The following NEURL1B variants were observed in gnomAD, a reference collection of about 807,000 sequenced individuals.
NEURL1B encodes the protein E3 ubiquitin-protein ligase NEURL1B.
In NEURL1B, 13 loss-of-function variants were observed where a neutral mutation model predicts 37.4. The observed-to-expected ratio is 0.35, with a 90% CI of 0.23 to 0.55. The LOEUF (loss-of-function observed/expected upper bound fraction) is 0.55, where lower values mean the gene tolerates loss of function less well. Among genes scored for constraint, NEURL1B ranks in the 20% least tolerant of loss-of-function variants. The pLI, the probability that NEURL1B is intolerant of heterozygous loss-of-function variation, is 0.89. For missense variants in NEURL1B, 790 were observed against 879.2 expected, an observed-to-expected ratio of 0.90 and a Z score of 1.28; for synonymous variants, 432 against 426.6, an observed-to-expected ratio of 1.01 and a Z score of -0.16.
chr5:172,670,167 G>A lies in NEURL1B; in HGVS notation c.414G>A (p.Ala138=), dbSNP rs1412043042. 1.2e-5 allele frequency: 18 copies of A among 1,495,018 alleles called. No individual in the cohort carries two copies. In the Admixed American group the frequency reaches 3.2e-4, roughly 27 times the overall value. 92.6% of individuals were successfully genotyped at this position (1,495,018 alleles called of 1,614,324 possible). A position where few individuals can be genotyped will look rare whatever the true frequency, so the allele number is the denominator to read the frequency against. The change falls in exon 2 of 5, where the codon GCG becomes GCA. Residue 138 remains alanine, a synonymous_variant. Coordinates refer to ENST00000369800, the MANE Select transcript of NEURL1B (RefSeq NM_001142651.3). ...CCAAGGCACTGCCCGAGAACCTGGC[G>A]CTGCGCGACACGGTGCTGGCCTACT... The part of the protein sequence containing the change: ...YWAKALPENL[A]LRDTVLAYWA...
intron 1 of NEURL1B, among the ~76,000 whole-genome samples, chr5:172,664,491 G>A (rs1372164559): frequency 1.3e-5 from 2 of 152,124 alleles, no homozygotes; most frequent in South Asian, 2.1e-4. Flanking sequence ...CAGCGGGTGG[G>A]GGGGACGGGT....
chr5:172,670,131 G>A lies in NEURL1B; in HGVS notation c.378G>A (p.Pro126=). 6.6e-7 allele frequency: 1 copy of A among 1,513,410 alleles called. No individual in the cohort carries two copies. The highest frequency in any genetic ancestry group is 8.8e-7 in the Non-Finnish European group (1 of 1,137,396). The allele number at this position is 1,513,410 out of a possible 1,614,324, so 93.7% of individuals were successfully genotyped here. A position where few individuals can be genotyped will look rare whatever the true frequency, so the allele number is the denominator to read the frequency against. Residue 126 remains proline (P), a synonymous_variant, in exon 2 of 5, where the codon CCG becomes CCA. Transcript: ENST00000369800. The part of the protein sequence containing the change: ...KYACPDLVTR[P]GYWAKALPEN... ...CCTGCCCGGACCTGGTCACGCGGCC[G>A]GGCTACTGGGCCAAGGCACTGCCCG...
intron 1 of NEURL1B, among the ~76,000 whole-genome samples, chr5:172,666,760 A>G (rs1344897375): frequency 6.6e-6 from 1 of 152,074 alleles, no homozygotes; most frequent in East Asian, 1.9e-4. Context: ...GTGCTCAGCC[A>G]CCCCTCGTGG....
intron 2 of NEURL1B, among the ~76,000 whole-genome samples, chr5:172,674,552 A>AT (rs1034922295): frequency 5.3e-5 from 8 of 152,038 alleles, no homozygotes; most frequent in Non-Finnish European, 1.2e-4. Flanking sequence ...AGCTTTGACA[A>AT]TCCCACTTCC....
rs941503722 is a variant in NEURL1B at position 172,683,364 on chromosome 5, G to C, written c.578-55G>C. ...AGGCAGCGGGCGAGGAGGGGCTCGC[G>C]ACCAGCCTGACGCGCGGCCTCTCCC... is the stretch of plus-strand genomic sequence containing the variant. On this transcript the variant is annotated intron_variant, in intron 2 of 4. Transcript: ENST00000369800. This position sits in a 1 kb window ranked among gnomAD's most constrained non-coding sequence, Gnocchi z 5.6. The C allele has an allele frequency of 4.0e-5, 51 of 1,268,090 alleles. No individual in the cohort carries two copies. Among genetic ancestry groups the C allele is most frequent in the Middle Eastern group, 2.9e-4 (1 of 3,392 alleles). 78.6% of individuals were successfully genotyped at this position (1,268,090 alleles called of 1,614,324 possible).
intron 1 of NEURL1B, among the ~76,000 whole-genome samples, chr5:172,666,284 T>C (rs1758013355): frequency 6.6e-6 from 1 of 152,144 alleles, no homozygotes; most frequent in South Asian, 2.1e-4. Context: ...CTGTGTGACT[T>C]TGGGCAAGTG....
At chr5:172,645,670 C>A (rs962254286) in intron 1 of NEURL1B, among the ~76,000 whole-genome samples, 9 of 152,332 alleles carry the variant, frequency 5.9e-5, no homozygotes, top group Middle Eastern at 6.8e-3. Flanking sequence ...CTTGTCTTGT[C>A]CCATCTTCCT....
rs564878825 is a variant in NEURL1B at position 172,676,417 on chromosome 5, A to C, written c.577+6087A>C. Among the ~76,000 whole-genome samples the C allele has an allele frequency of 2.0e-5, 3 of 152,348 alleles. No homozygotes were observed. The East Asian group carries it at 5.8e-4, about 29-fold the overall frequency. ...CCAACAGAAGAGCTGCTTTCCTAGA[A>C]GTCTGCCTGTCATCTCTAGATGTAG... is the stretch of plus-strand genomic sequence containing the variant. On this transcript the variant is annotated intron_variant, in intron 2 of 4. Coordinates refer to ENST00000369800, the MANE Select transcript of NEURL1B (RefSeq NM_001142651.3). This position sits in a 1 kb window ranked among gnomAD's most constrained non-coding sequence, Gnocchi z 4.5.
chr5:172,656,399 C>A, intron 1 of NEURL1B: 1 of 698,220 alleles, frequency 1.4e-6, no homozygotes, highest in Non-Finnish European at 2.3e-6. Context: ...AAATGTACAA[C>A]AGCTCCAAGA....
Position 172,665,115 on chromosome 5 carries a change from G to A in NEURL1B, c.32-4670G>A, listed in dbSNP as rs563300801. Among the ~76,000 whole-genome samples, 4 of 152,360 alleles carry A rather than the reference G, an allele frequency of 2.6e-5. No individual in the cohort carries two copies. The East Asian group carries it at 7.7e-4, about 29-fold the overall frequency. ...ATGAGGTCGGAAAACAACAGTGATGGGGAGGGGAGATAAAAATAATCAAAT... is the reference window on the plus strand; with the variant it reads ...ATGAGGTCGGAAAACAACAGTGATGAGGAGGGGAGATAAAAATAATCAAAT... On this transcript the variant is annotated intron_variant, in intron 1 of 4. Coordinates refer to ENST00000369800, the MANE Select transcript of NEURL1B (RefSeq NM_001142651.3). The surrounding 1 kb of genome is among the most constrained non-coding windows in gnomAD (Gnocchi z 4.1).
chr5:172,658,521 C>T (rs1348485720), intron 1 of NEURL1B, among the ~76,000 whole-genome samples: 3 of 152,160 alleles, frequency 2.0e-5, no homozygotes, highest in South Asian at 2.1e-4. Flanking sequence ...GCCTCAGAGC[C>T]GAGTGTGGCT....
intron 1 of NEURL1B, among the ~76,000 whole-genome samples, chr5:172,667,667 G>A (rs996370807): frequency 1.3e-5 from 2 of 151,930 alleles, no homozygotes; most frequent in Non-Finnish European, 2.9e-5. Flanking sequence ...CATGATCTCT[G>A]CCCTGGAATA....
Position 172,661,281 on chromosome 5 carries a change from A to G in NEURL1B, c.32-8504A>G, listed in dbSNP as rs1470787967. Among the ~76,000 whole-genome samples the G allele has an allele frequency of 1.3e-5, 2 of 152,138 alleles. No individual in the cohort carries two copies. The highest frequency in any genetic ancestry group is 3.8e-4 in the East Asian group (2 of 5,200). ...ATCAGATTGTGCATGGAGTCTGGGT[A>G]TGTTTCTGGGGGGAAACCCTGAAGT... On this transcript the variant is annotated intron_variant, in intron 1 of 4. Transcript: ENST00000369800. This position sits in a 1 kb window ranked among gnomAD's most constrained non-coding sequence, Gnocchi z 4.0.
At chr5:172,646,202 AT>A (rs540772755) in intron 1 of NEURL1B, among the ~76,000 whole-genome samples, 51 of 152,196 alleles carry the variant, frequency 3.4e-4, no homozygotes, top group African/African-American at 1.2e-3. Context: ...CTGGGTTCAA[AT>A]TTCAGCTCGG....
intron 1 of NEURL1B, among the ~76,000 whole-genome samples, chr5:172,652,975 C>T (rs1224700919): frequency 6.6e-6 from 1 of 151,988 alleles, no homozygotes; most frequent in East Asian, 1.9e-4. Flanking sequence ...ATCCCTTTTT[C>T]ACTGTACAAA....
chr5:172,671,431 C>T (rs982702419), intron 2 of NEURL1B, among the ~76,000 whole-genome samples: 9 of 152,222 alleles, frequency 5.9e-5, no homozygotes, highest in Admixed American at 3.9e-4. Flanking sequence ...TGCACCTGTC[C>T]GTAACCCCAG....
rs1468036221 is a variant in NEURL1B at position 172,688,042 on chromosome 5, A to C, written c.*1117A>C. ...AAGTATGTTAACTAATGATCGAGAC[A>C]GTAACGAAAAATGCTGGCACTGGGA... On this transcript the variant is annotated 3_prime_UTR_variant, in exon 5 of 5. Transcript: ENST00000369800. This position sits in a 1 kb window ranked among gnomAD's most constrained non-coding sequence, Gnocchi z 4.3. 2.0e-5 allele frequency: 3 copies of C among 152,712 alleles called. No individual in the cohort carries two copies. Among genetic ancestry groups the C allele is most frequent in the Admixed American group, 1.3e-4 (2 of 15,286 alleles). The allele number at this position is 152,712 out of a possible 1,614,324, so 9.5% of individuals were successfully genotyped here.
Position 172,657,844 on chromosome 5 carries a change from G to A in NEURL1B, c.32-11941G>A, listed in dbSNP as rs1008866940. 7.2e-5 allele frequency among the ~76,000 whole-genome samples: 11 copies of A among 152,158 alleles called. No individual in the cohort carries two copies. Among genetic ancestry groups the A allele is most frequent in the African/African-American group, 2.2e-4 (9 of 41,426 alleles). On this transcript the variant is annotated intron_variant, in intron 1 of 4. Coordinates refer to ENST00000369800, the MANE Select transcript of NEURL1B (RefSeq NM_001142651.3). The surrounding 1 kb of genome is among the most constrained non-coding windows in gnomAD (Gnocchi z 4.0). ...CTGTGCTTCAATGGGCACACTCCTC[G>A]TCCACTTTCATGTTCCTCCCATACT...
Position 172,671,648 on chromosome 5 carries a change from TTGCTAAGTA to T in NEURL1B, c.577+1328_577+1336del, listed in dbSNP as rs200449377. On this transcript the variant is annotated intron_variant, in intron 2 of 4. Transcript: ENST00000369800. Reference sequence around the variant, plus strand: ...TGTATCAGTAGTTCGTTCCTTTTTATTGCTAAGTATGCTAAGTAGTAGCCCATGAACTGG... The same window carrying T: ...TGTATCAGTAGTTCGTTCCTTTTTATTGCTAAGTAGTAGCCCATGAACTGG... Among the ~76,000 whole-genome samples the T allele has an allele frequency of 2.6e-5, 4 of 152,382 alleles. No individual in the cohort carries two copies. The East Asian group carries it at 7.7e-4, about 29-fold the overall frequency.
Sources: allele counts gnomAD v4.1 joint callset (sites outside exome capture counted in the v4.1 genomes callset), GRCh38; gene constraint gnomAD v4.1.1; non-coding constraint Gnocchi (gnomAD v3.1); transcripts MANE v1.5; gene names NCBI Gene and HGNC (gene_info 2026-07-23, HGNC 2026-07-21).